The following CREM variants were observed in gnomAD, a reference collection of about 807,000 sequenced individuals.
CREM encodes cAMP-responsive element modulator.
In CREM, 13 loss-of-function variants were observed where a neutral mutation model predicts 37.3. The ratio of observed to expected loss-of-function variants is 0.35; its 90% CI spans 0.23 to 0.55. CREM has a LOEUF of 0.55. CREM is among the 20% of genes least tolerant of loss of function. The pLI, the probability that CREM is intolerant of heterozygous loss-of-function variation, is 0.88. For synonymous variants in CREM, 124 were observed against 120.2 expected (o/e 1.03, Z -0.21); for missense variants, 296 against 362.3 (o/e 0.82, Z 1.49).
At chr10:35,177,373 CTCT>C (rs2094141783) in intron 3 of CREM, among the ~76,000 whole-genome samples, 1 of 152,126 alleles carries the variant, frequency 6.6e-6, no homozygotes, top group African/African-American at 2.4e-5. Context: ...TCTTTCCAAC[CTCT>C]TCTTTGTTTT....
At chr10:35,146,287 A>G (rs1266374405) in intron 2 of CREM, among the ~76,000 whole-genome samples, 2 of 152,122 alleles carry the variant, frequency 1.3e-5, no homozygotes, top group African/African-American at 2.4e-5. Flanking sequence ...CTGCTAGGGC[A>G]TGCTTTGTGG....
chr10:35,212,776 A>G lies in CREM; in HGVS notation c.*1378A>G, dbSNP rs1232516131. On this transcript the variant is annotated 3_prime_UTR_variant, in exon 8 of 8. Transcript: ENST00000685392. ...TTTAGCGAACAACCACAGGAATTTTAAAAACAAAAACATCCCAAGATTTTT... is the reference window on the plus strand; with the variant it reads ...TTTAGCGAACAACCACAGGAATTTTGAAAACAAAAACATCCCAAGATTTTT... 1 of 152,756 alleles carries G rather than the reference A, an allele frequency of 6.5e-6. No individual in the cohort carries two copies. The highest frequency in any genetic ancestry group is 1.9e-4 in the East Asian group (1 of 5,340). The allele number at this position is 152,756 out of a possible 1,614,324, so 9.5% of individuals were successfully genotyped here. A position where few individuals can be genotyped will look rare whatever the true frequency, so the allele number is the denominator to read the frequency against.
chr10:35,172,054 G>A (rs923726657), intron 3 of CREM, among the ~76,000 whole-genome samples: 8 of 152,170 alleles, frequency 5.3e-5, no homozygotes. Flanking sequence ...TGGAACTAAA[G>A]ATCATGTCCC....
chr10:35,208,371 A>G (rs1261232498), intron 7 of CREM, among the ~76,000 whole-genome samples: 1 of 152,146 alleles, frequency 6.6e-6, no homozygotes, highest in African/African-American at 2.4e-5. Flanking sequence ...TATTTTCTAA[A>G]ACTTTTTAAA....
chr10:35,146,175 G>A (rs1452932845), intron 2 of CREM, among the ~76,000 whole-genome samples: 1 of 152,234 alleles, frequency 6.6e-6, no homozygotes, highest in Non-Finnish European at 1.5e-5. Flanking sequence ...TAATTTTTGA[G>A]TTGAGACCCA....
intron 2 of CREM, among the ~76,000 whole-genome samples, chr10:35,140,953 A>G (rs1008296609): frequency 4.6e-5 from 7 of 152,240 alleles, no homozygotes; most frequent in Non-Finnish European, 1.0e-4. Context: ...AATGGGTCAC[A>G]TTGTGAAAGA....
chr10:35,210,621 GT>G (rs2095644516), intron 7 of CREM: 1 of 152,060 alleles, frequency 6.6e-6, no homozygotes, highest in Non-Finnish European at 1.5e-5. Context: ...GTTGTATTTT[GT>G]AGCCCCCTTC....
chr10:35,142,709 G>C (rs1179638808), intron 2 of CREM, among the ~76,000 whole-genome samples: 1 of 152,278 alleles, frequency 6.6e-6, no homozygotes, highest in South Asian at 2.1e-4. Context: ...GAGCTCAAGT[G>C]ATCCTTCCAT....
chr10:35,160,024 T>C (rs1011938842), intron 3 of CREM, among the ~76,000 whole-genome samples: 18 of 152,250 alleles, frequency 1.2e-4, no homozygotes, highest in Admixed American at 2.0e-4. Flanking sequence ...CTTTTTTTTT[T>C]CCCTTATGAT....
chr10:35,171,217 G>C (rs1034371863), intron 3 of CREM: 1 of 129,224 alleles, frequency 7.7e-6, no homozygotes, highest in Non-Finnish European at 1.6e-5. Context: ...TGTCATCCAG[G>C]CTGGAGTGCG....
intron 1 of CREM, among the ~76,000 whole-genome samples, chr10:35,130,196 CA>C (rs754455183): frequency 0.23 from 15,650 of 67,596 alleles, 494 homozygotes; most frequent in East Asian, 0.3. Flanking sequence ...AACTCAGTCT[CA>C]AAAAAAAAAA....
Position 35,148,477 on chromosome 10 carries a change from C to T in CREM, c.154C>T (p.Pro52Ser). ...VQTQTGQNSI[P>S]ALAQVAAIAE... ...GACTCAGACTGGCCAAAATTCAATCCCTGCTTTAGCTCAGGTAGGCAATAG... is the reference window on the plus strand; with the variant it reads ...GACTCAGACTGGCCAAAATTCAATCTCTGCTTTAGCTCAGGTAGGCAATAG... The change falls in exon 3 of 8, where the codon CCT (proline) becomes TCT (serine). Residue 52 changes from proline (P) to serine (S), a missense_variant. Physicochemically the swap from Pro to Ser is moderately conservative, Grantham distance 74 (BLOSUM62 -1). This residue lies in a region of CREM where 257 missense variants were observed against 280.2 expected (regional missense o/e 0.92). Transcript: ENST00000685392. 1 of 1,611,182 alleles carries T rather than the reference C, an allele frequency of 6.2e-7. No homozygotes were observed. The highest frequency in any genetic ancestry group is 1.3e-5 in the African/African-American group (1 of 74,860).
At chr10:35,196,376 A>C in intron 6 of CREM, 1 of 465,696 alleles carries the variant, frequency 2.1e-6, no homozygotes, top group Non-Finnish European at 3.9e-6. Context: ...AGTTACTAAT[A>C]ACCTTTGTGT....
At chr10:35,132,228 T>C (rs2089562104) in intron 1 of CREM, among the ~76,000 whole-genome samples, 1 of 145,372 alleles carries the variant, frequency 6.9e-6, no homozygotes, top group Non-Finnish European at 1.5e-5. Context: ...GAAAAAAAAA[T>C]TGGTTTCACA....
chr10:35,176,396 CT>C (rs1054369045), intron 3 of CREM, among the ~76,000 whole-genome samples: 6 of 145,114 alleles, frequency 4.1e-5, no homozygotes, highest in South Asian at 2.2e-4. Context: ...ATGCTGTTTT[CT>C]TTTTTTTTCT....
intron 5 of CREM, among the ~76,000 whole-genome samples, chr10:35,186,780 T>G (rs1399565681): frequency 7.8e-6 from 1 of 128,332 alleles, no homozygotes; most frequent in Non-Finnish European, 1.6e-5. Context: ...TATAACAAAT[T>G]ATATATAACA....
In CREM at chr10:35,211,247, C is replaced by T; in HGVS notation, c.756-7C>T. ...TCCTGTAGTCATTTGCCTTGTGTTG[C>T]TTCCAGGGAAGCTGCCCGGGAGTGT... On this transcript the variant is annotated splice_region_variant and splice_polypyrimidine_tract_variant and intron_variant, in intron 7 of 7. Transcript: ENST00000685392. The T allele has an allele frequency of 6.2e-7, 1 of 1,611,528 alleles. No individual in the cohort carries two copies. The highest frequency in any genetic ancestry group is 8.5e-7 in the Non-Finnish European group (1 of 1,178,570).
chr10:35,185,324 G>C (rs1209889025), intron 5 of CREM, among the ~76,000 whole-genome samples: 1 of 151,926 alleles, frequency 6.6e-6, no homozygotes, highest in African/African-American at 2.4e-5. Context: ...GGCTGGTCTT[G>C]AACTCCTGAC....
intron 2 of CREM, among the ~76,000 whole-genome samples, chr10:35,138,586 G>A (rs1237646854): frequency 6.7e-6 from 1 of 150,366 alleles, no homozygotes; most frequent in African/African-American, 2.5e-5. Flanking sequence ...GTGTGCAATG[G>A]CACAATCTTG....
Sources: allele counts gnomAD v4.1 joint callset (sites outside exome capture counted in the v4.1 genomes callset), GRCh38; gene constraint gnomAD v4.1.1; regional missense constraint gnomAD v4.1.1; transcripts MANE v1.5; gene names NCBI Gene and HGNC (gene_info 2026-07-23, HGNC 2026-07-21).